RIMOC1: variants seen among roughly 807,000 people sequenced by gnomAD.
RIMOC1 encodes RAB7A-interacting MON1-CCZ1 complex subunit 1.
the RIMOC1 span, chr5:41,907,631 A>G: frequency 1.5e-6 from 1 of 647,434 alleles, no homozygotes; most frequent in South Asian, 2.0e-5. Context: ...CATATGTCAT[A>G]ATATTATTTC....
the RIMOC1 span, chr5:41,904,526 C>T: frequency 5.3e-5 from 79 of 1,502,080 alleles, 1 homozygote; most frequent in Admixed American, 1.4e-3. Flanking sequence ...TACTGGCGCT[C>T]GATGGCTGTG....
At chr5:41,918,612 A>C in the RIMOC1 span, 18 of 985,384 alleles carry the variant, frequency 1.8e-5, no homozygotes, top group Non-Finnish European at 2.2e-5. Context: ...GTAGTCCTTC[A>C]AAGTAGAATC....
chr5:41,917,182 A>G, the RIMOC1 span: 5 of 1,613,896 alleles, frequency 3.1e-6, no homozygotes, highest in African/African-American at 5.3e-5. Context: ...TCCGAGAAGT[A>G]GGAGAAAAAA....
the RIMOC1 span, chr5:41,918,629 A>T: frequency 1.0e-6 from 1 of 985,334 alleles, no homozygotes; most frequent in Non-Finnish European, 1.2e-6. Context: ...AATCACTACA[A>T]GTGTCTCACT....
At chr5:41,905,132 T>C in the RIMOC1 span, among the ~76,000 whole-genome samples, 1 of 152,242 alleles carries the variant, frequency 6.6e-6, no homozygotes, top group Admixed American at 6.5e-5. Flanking sequence ...TTCTACATTA[T>C]TCCTTTTTGA....
At chr5:41,907,537 A>G in the RIMOC1 span, among the ~76,000 whole-genome samples, 1 of 152,176 alleles carries the variant, frequency 6.6e-6, no homozygotes, top group Non-Finnish European at 1.5e-5. Flanking sequence ...AAAAATTTTC[A>G]TGATAAATTT....
chr5:41,918,900 GT>G, the RIMOC1 span: 1 of 293,532 alleles, frequency 3.4e-6, no homozygotes, highest in Non-Finnish European at 5.1e-6. Flanking sequence ...TGTGCTACAT[GT>G]TGGTTTCATC....
At chr5:41,908,510 A>T in the RIMOC1 span, 84 of 152,264 alleles carry the variant, frequency 5.5e-4, no homozygotes, top group African/African-American at 2.0e-3. Context: ...ACACTTAGTT[A>T]GGCTTCCAAA....
the RIMOC1 span, chr5:41,918,915 G>A: frequency 7.6e-5 from 16 of 210,824 alleles, no homozygotes; most frequent in African/African-American, 3.6e-4. Context: ...TTTCATCTTC[G>A]CTGTCTCTCT....
At chr5:41,918,238 C>T in the RIMOC1 span, 2 of 985,706 alleles carry the variant, frequency 2.0e-6, no homozygotes, top group South Asian at 4.7e-5. Context: ...CTCCCGTGGC[C>T]GCACTTTGAA....
At chr5:41,918,506 C>T in the RIMOC1 span, 1 of 985,254 alleles carries the variant, frequency 1.0e-6, no homozygotes, top group Non-Finnish European at 1.2e-6. Flanking sequence ...TTCTTCTTTC[C>T]CTGGTCTTTT....
chr5:41,904,635 A>T, the RIMOC1 span, among the ~76,000 whole-genome samples: 3 of 152,022 alleles, frequency 2.0e-5, no homozygotes, highest in Non-Finnish European at 4.4e-5. Context: ...TCGATTGCCC[A>T]CTTCCCAGAA....
At chr5:41,904,511 T>C in the RIMOC1 span, 3 of 1,570,500 alleles carry the variant, frequency 1.9e-6, no homozygotes, top group Admixed American at 5.3e-5. Context: ...CAGACGGCGC[T>C]AAGGTACTGG....
At chr5:41,909,886 T>C in the RIMOC1 span, 1 of 1,575,152 alleles carries the variant, frequency 6.3e-7, no homozygotes, top group Non-Finnish European at 8.6e-7. Flanking sequence ...ATAATATGCA[T>C]CCAAAAGTAA....
chr5:41,907,855 TGGTGG>T, the RIMOC1 span: 1 of 1,515,810 alleles, frequency 6.6e-7, no homozygotes, highest in African/African-American at 1.4e-5. Context: ...ACTGAAAGAG[TGGTGG>T]ACTCTGGCAT....
At chr5:41,914,166 T>C in the RIMOC1 span, among the ~76,000 whole-genome samples, 2 of 152,108 alleles carry the variant, frequency 1.3e-5, no homozygotes. Flanking sequence ...TCAGGAAGCA[T>C]GTAATATTGG....
At chr5:41,906,179 C>G in the RIMOC1 span, among the ~76,000 whole-genome samples, 1 of 152,136 alleles carries the variant, frequency 6.6e-6, no homozygotes, top group Non-Finnish European at 1.5e-5. Flanking sequence ...AAGAATGCGT[C>G]TTTAAATTTC....
At chr5:41,909,622 A>C in the RIMOC1 span, 1 of 540,910 alleles carries the variant, frequency 1.8e-6, no homozygotes, top group South Asian at 6.3e-5. Context: ...TCTCAAATTT[A>C]CATACTGAGC....
At chr5:41,914,630 C>T in the RIMOC1 span, among the ~76,000 whole-genome samples, 68 of 151,264 alleles carry the variant, frequency 4.5e-4, 1 homozygote, top group East Asian at 1.4e-3. Context: ...ATTAGCCAGG[C>T]GTGGTGGTGC....
Sources: allele counts gnomAD v4.1 joint callset (sites outside exome capture counted in the v4.1 genomes callset), GRCh38; gene constraint gnomAD v4.1.1; transcripts MANE v1.5; gene names NCBI Gene and HGNC (gene_info 2026-07-23, HGNC 2026-07-21).